The following IL1R1 variants were observed in gnomAD, a reference collection of about 807,000 sequenced individuals.
IL1R1 encodes interleukin 1 receptor type 1.
Under a neutral mutation model 50.2 loss-of-function variants are expected in IL1R1, and 22 were observed. The ratio of observed to expected loss-of-function variants is 0.44; its 90% CI spans 0.31 to 0.63. The LOEUF (loss-of-function observed/expected upper bound fraction) is 0.63, where lower values mean the gene tolerates loss of function less well. Ranked by LOEUF, IL1R1 falls within the 20% of genes least tolerant of loss-of-function variation. The pLI, the probability that IL1R1 is intolerant of heterozygous loss-of-function variation, is 0.07. For missense variants in IL1R1, 509 were observed against 676.2 expected (o/e 0.75, Z 2.74); for synonymous variants, 251 against 236.7 (o/e 1.06, Z -0.55).
chr2:102,147,435 A>G (rs1028776147), intron 1 of IL1R1, among the ~76,000 whole-genome samples: 1 of 152,190 alleles, frequency 6.6e-6, no homozygotes, highest in African/African-American at 2.4e-5. Flanking sequence ...ACTTTTTGAC[A>G]AGTCCAGTGC....
At chr2:102,173,268 C>T (rs923310932) in intron 9 of IL1R1, among the ~76,000 whole-genome samples, 3 of 152,270 alleles carry the variant, frequency 2.0e-5, no homozygotes, top group African/African-American at 7.2e-5. Flanking sequence ...ACTAAATATC[C>T]ACTTTCAAAG....
chr2:102,174,378 A>G (rs543912090), intron 9 of IL1R1, among the ~76,000 whole-genome samples: 6 of 152,108 alleles, frequency 3.9e-5, no homozygotes, highest in Non-Finnish European at 8.8e-5. Context: ...TTAGGTAGAA[A>G]CTTCATAGAA....
intron 1 of IL1R1, among the ~76,000 whole-genome samples, chr2:102,148,489 A>G (rs1013988090): frequency 1.3e-5 from 2 of 152,238 alleles, no homozygotes; most frequent in Non-Finnish European, 2.9e-5. Context: ...TAGCACTCCA[A>G]AGCAGCCCAC....
chr2:102,103,336 A>C (rs1408743122), upstream of IL1R1, among the ~76,000 whole-genome samples: 1 of 151,986 alleles, frequency 6.6e-6, no homozygotes, highest in African/African-American at 2.4e-5. Flanking sequence ...GAAAACTGGA[A>C]AGAAGGGGAA....
At chr2:102,105,121 TTAAC>T (rs1680331254) in intron 1 of IL1R1, among the ~76,000 whole-genome samples, 2 of 152,338 alleles carry the variant, frequency 1.3e-5, no homozygotes, top group South Asian at 4.1e-4. Flanking sequence ...CTATGGAAGA[TTAAC>T]TATGAAACAT....
In IL1R1 at chr2:102,165,324, G is replaced by A; in HGVS notation, c.486+20G>A. Reference sequence around the variant, plus strand: ...TATAAGGTAATTTTATTTTAAATATGACATTTCACTTTTCCAGAAAATAAA... The same window carrying A: ...TATAAGGTAATTTTATTTTAAATATAACATTTCACTTTTCCAGAAAATAAA... On this transcript the variant is annotated intron_variant, in intron 5 of 11. Transcript: ENST00000410023. The A allele has an allele frequency of 7.4e-7, 1 of 1,349,326 alleles. No individual in the cohort carries two copies. 83.6% of individuals were successfully genotyped at this position (1,349,326 alleles called of 1,614,324 possible).
At position 102,081,278 on chromosome 2, in the gene IL1R1, A is replaced by G. The variant is rs188757439; in HGVS notation, c.-84+10745A>G. ...TATGAGAGTATCTATTTCTAACTGT[A>G]GAGATTTTTGCAAATCCTGCAGAAA... On this transcript the variant is annotated intron_variant, in intron 1 of 11. Transcript: ENST00000409929. Among the ~76,000 whole-genome samples the G allele has an allele frequency of 1.6e-3, 238 of 152,336 alleles. 2 individuals carry two copies. The highest frequency in any genetic ancestry group is 4.9e-3 in the African/African-American group (205 of 41,570).
chr2:102,097,257 C>T (rs1402142428), intron 1 of IL1R1, among the ~76,000 whole-genome samples: 1 of 152,160 alleles, frequency 6.6e-6, no homozygotes, highest in African/African-American at 2.4e-5. Flanking sequence ...ATGATGGAAA[C>T]TCACATGAGC....
At chr2:102,131,419 A>G (rs1559478554) in intron 1 of IL1R1, among the ~76,000 whole-genome samples, 3 of 152,322 alleles carry the variant, frequency 2.0e-5, no homozygotes, top group Admixed American at 1.3e-4. Context: ...AAGAACTAAT[A>G]GAGATGTTAG....
At chr2:102,172,185 CA>C in intron 8 of IL1R1, 1 of 764,086 alleles carries the variant, frequency 1.3e-6, no homozygotes, top group Non-Finnish European at 1.6e-6. Flanking sequence ...TTCAACGAAG[CA>C]ATTATCTTTC....
chr2:102,078,564 A>ACACACT lies in IL1R1; in HGVS notation c.-84+8036_-84+8037insTCACAC, dbSNP rs770187238. 6.2e-3 allele frequency among the ~76,000 whole-genome samples: 612 copies of ACACACT among 98,314 alleles called. 5 individuals carry two copies. Among genetic ancestry groups the ACACACT allele is most frequent in the African/African-American group, 0.023 (578 of 24,724 alleles). The allele number at this position is 98,314 out of a possible 152,430, so 64.5% of individuals were successfully genotyped here. On this transcript the variant is annotated intron_variant, in intron 1 of 11. Coordinates refer to the IL1R1 transcript ENST00000409929. ...ACTGAATTAGCAGTCAAAAAACTTC[A>ACACACT]CACACACACACACACACACACACAC...
chr2:102,121,188 G>A (rs1681385756), intron 1 of IL1R1, among the ~76,000 whole-genome samples: 1 of 152,166 alleles, frequency 6.6e-6, no homozygotes, highest in Admixed American at 6.6e-5. Context: ...AGGGGTCTGG[G>A]ACATCCAGCC....
chr2:102,108,713 T>C (rs1387926297), intron 1 of IL1R1, among the ~76,000 whole-genome samples: 1 of 152,114 alleles, frequency 6.6e-6, no homozygotes, highest in South Asian at 2.1e-4. Context: ...AGTCTCAGTT[T>C]CTATTGAGTA....
intron 1 of IL1R1, among the ~76,000 whole-genome samples, chr2:102,074,821 A>C (rs1678890475): frequency 1.3e-5 from 2 of 152,286 alleles, no homozygotes; most frequent in African/African-American, 4.8e-5. Context: ...CTCCAGATGG[A>C]GGATTTGGTG....
intron 1 of IL1R1, among the ~76,000 whole-genome samples, chr2:102,145,302 C>T (rs1189468634): frequency 6.6e-6 from 1 of 152,136 alleles, no homozygotes; most frequent in Non-Finnish European, 1.5e-5. Flanking sequence ...AGACAAGGAT[C>T]TGCACTGTCA....
upstream of IL1R1, among the ~76,000 whole-genome samples, chr2:102,102,429 AT>A (rs906434492): frequency 1.2e-4 from 19 of 152,168 alleles, no homozygotes; most frequent in African/African-American, 4.3e-4. Flanking sequence ...AAGAATTTAA[AT>A]TTCCATGCAA....
At chr2:102,121,603 C>T (rs569499430) in intron 1 of IL1R1, among the ~76,000 whole-genome samples, 3 of 152,322 alleles carry the variant, frequency 2.0e-5, no homozygotes, top group Admixed American at 6.5e-5. Flanking sequence ...CAAGTCCAGC[C>T]TGGCTTACTC....
At chr2:102,124,885 T>TA (rs1358333338) in intron 1 of IL1R1, among the ~76,000 whole-genome samples, 1 of 151,754 alleles carries the variant, frequency 6.6e-6, no homozygotes, top group African/African-American at 2.4e-5. Context: ...CATTGCACTC[T>TA]AGCCTGGGTA....
chr2:102,111,180 T>C (rs1316829785), intron 1 of IL1R1, among the ~76,000 whole-genome samples: 3 of 152,202 alleles, frequency 2.0e-5, no homozygotes, highest in Non-Finnish European at 4.4e-5. Flanking sequence ...TCAGGTTGAC[T>C]GTAGTCATGG....
Sources: gnomAD v4.1 joint callset for allele counts (sites outside exome capture counted in the v4.1 genomes callset) on GRCh38, gnomAD v4.1.1 for gene constraint, MANE v1.5 for transcripts, NCBI Gene and HGNC (gene_info 2026-07-23, HGNC 2026-07-21) for gene names.